Variants in CCDC7 observed in about 807,000 individuals in gnomAD.
The protein encoded by CCDC7 is coiled-coil domain-containing protein 7.
Under a neutral mutation model 196.9 loss-of-function variants are expected in CCDC7, and 183 were observed. The observed-to-expected ratio is 0.93, with a 90% CI of 0.82 to 1.05. The LOEUF (loss-of-function observed/expected upper bound fraction) is 1.05, where lower values mean the gene tolerates loss of function less well. Among genes scored for constraint, CCDC7 ranks in the 50% least tolerant of loss-of-function variants. CCDC7 has a pLI of 0.00. For missense variants in CCDC7, 1,540 were observed against 1,482.2 expected (o/e 1.04, Z -0.64); for synonymous variants, 525 against 484.6 (o/e 1.08, Z -1.10).
chr10:32,635,560 G>A (rs2065493217), intron 20 of CCDC7, among the ~76,000 whole-genome samples: 1 of 152,068 alleles, frequency 6.6e-6, no homozygotes, highest in Non-Finnish European at 1.5e-5. Context: ...AAAGGTGAGT[G>A]GATCTCTTGA....
intron 29 of CCDC7, among the ~76,000 whole-genome samples, chr10:32,799,027 G>T (rs1012087739): frequency 6.6e-6 from 1 of 152,154 alleles, no homozygotes; most frequent in Non-Finnish European, 1.5e-5. Flanking sequence ...TTTAGGAGCT[G>T]CTCGAGCCCG....
chr10:32,657,308 C>T (rs113574571), intron 20 of CCDC7, among the ~76,000 whole-genome samples: 109 of 152,370 alleles, frequency 7.2e-4, no homozygotes, highest in African/African-American at 2.5e-3. Flanking sequence ...CATTTCCCTT[C>T]TACACTGCCC....
intron 21 of CCDC7, among the ~76,000 whole-genome samples, chr10:32,667,376 A>C (rs1339482335): frequency 3.3e-5 from 5 of 152,166 alleles, no homozygotes; most frequent in East Asian, 3.8e-4. Context: ...CAGTTTAATT[A>C]GATCCCATTT....
chr10:32,743,215 T>C (rs2074081907), intron 28 of CCDC7, among the ~76,000 whole-genome samples: 1 of 152,214 alleles, frequency 6.6e-6, no homozygotes, highest in South Asian at 2.1e-4. Context: ...AAGAATAGGT[T>C]TAGTTTTTAA....
At chr10:32,844,667 G>A (rs16933701) in intron 33 of CCDC7, among the ~76,000 whole-genome samples, 21,871 of 151,772 alleles carry the variant, frequency 0.14, 1,931 homozygotes, top group African/African-American at 0.25. Flanking sequence ...GGTAAAGTCA[G>A]TGGTTAAGGA....
At chr10:32,546,432 C>T (rs2052468877) in intron 13 of CCDC7, among the ~76,000 whole-genome samples, 1 of 152,076 alleles carries the variant, frequency 6.6e-6, no homozygotes. Flanking sequence ...CGATTATTTC[C>T]CAAACTGGGA....
At chr10:32,819,509 CA>C (rs921400393) in intron 31 of CCDC7, among the ~76,000 whole-genome samples, 8 of 151,472 alleles carry the variant, frequency 5.3e-5, no homozygotes, top group Non-Finnish European at 1.2e-4. Flanking sequence ...AGAGACACAA[CA>C]AAAAAAAGAG....
chr10:32,750,368 C>T (rs930681095), intron 28 of CCDC7, among the ~76,000 whole-genome samples: 1 of 152,040 alleles, frequency 6.6e-6, no homozygotes, highest in East Asian at 1.9e-4. Flanking sequence ...GGGTGTCCAG[C>T]AAAAACATAA....
chr10:32,496,848 T>C (rs2042986557), intron 9 of CCDC7, among the ~76,000 whole-genome samples: 1 of 152,190 alleles, frequency 6.6e-6, no homozygotes, highest in Non-Finnish European at 1.5e-5. Flanking sequence ...TTGCTTAAAA[T>C]TTTCTTTTTT....
intron 13 of CCDC7, among the ~76,000 whole-genome samples, chr10:32,560,721 C>G (rs1264341397): frequency 1.3e-5 from 2 of 152,140 alleles, no homozygotes; most frequent in Non-Finnish European, 2.9e-5. Flanking sequence ...AAAAACATGC[C>G]AAATTGTAAA....
intron 21 of CCDC7, among the ~76,000 whole-genome samples, chr10:32,665,101 G>A (rs1408284049): frequency 6.6e-6 from 1 of 151,894 alleles, no homozygotes; most frequent in Non-Finnish European, 1.5e-5. Flanking sequence ...TTGGCTATTT[G>A]CATGTCTTCA....
At chr10:32,516,820 C>T (rs563318395) in intron 9 of CCDC7, among the ~76,000 whole-genome samples, 3 of 152,244 alleles carry the variant, frequency 2.0e-5, no homozygotes, top group Admixed American at 6.5e-5. Flanking sequence ...TAGGTTTATA[C>T]ATGAGATAAA....
chr10:32,712,478 G>A (rs1253876743), intron 25 of CCDC7, among the ~76,000 whole-genome samples: 1 of 152,166 alleles, frequency 6.6e-6, no homozygotes, highest in African/African-American at 2.4e-5. Context: ...GGTGAACAGA[G>A]CATCTGGTTC....
chr10:32,557,985 T>A (rs2054641203), intron 13 of CCDC7, among the ~76,000 whole-genome samples: 2 of 152,182 alleles, frequency 1.3e-5, no homozygotes, highest in Non-Finnish European at 2.9e-5. Flanking sequence ...GGGCATGCAT[T>A]TTTTATAGCT....
At chr10:32,677,607 C>G (rs913441034) in intron 21 of CCDC7, among the ~76,000 whole-genome samples, 2 of 151,744 alleles carry the variant, frequency 1.3e-5, no homozygotes, top group Admixed American at 6.6e-5. Flanking sequence ...ATGGGTTTAT[C>G]TTGTATGTGA....
At chr10:32,876,277 A>C (rs763229442) in intron 41 of CCDC7, 70 bp from the exon 43 acceptor site, 43 of 1,147,946 alleles carry the variant, frequency 3.7e-5, no homozygotes, top group Non-Finnish European at 5.5e-5. Flanking sequence ...GATATCATAT[A>C]CAATAAAAAT....
chr10:32,845,633 G>T lies in CCDC7; in HGVS notation c.3520+7G>T, dbSNP rs747382203. On this transcript the variant is annotated splice_region_variant and intron_variant, in intron 35 of 41. Coordinates refer to ENST00000639629, the Ensembl canonical transcript of CCDC7. ...CAATTAAAAAGTCACCCAGGTAAGA[G>T]AAAACAATTTCAAGACTAATATTTA... The T allele has an allele frequency of 1.2e-6, 2 of 1,600,264 alleles. No homozygotes were observed. Among genetic ancestry groups the T allele is most frequent in the Non-Finnish European group, 1.7e-6 (2 of 1,168,912 alleles).
intron 24 of CCDC7, among the ~76,000 whole-genome samples, chr10:32,705,417 G>A (rs2079548071): frequency 6.6e-6 from 1 of 151,998 alleles, no homozygotes; most frequent in African/African-American, 2.4e-5. Context: ...CAACTAACGA[G>A]CAAAAGAACC....
chr10:32,757,808 C>T (rs1434103014), intron 28 of CCDC7, among the ~76,000 whole-genome samples: 1 of 152,134 alleles, frequency 6.6e-6, no homozygotes, highest in African/African-American at 2.4e-5. Context: ...ATCAATGAAT[C>T]CAGGAGCTGT....
Sources: allele counts gnomAD v4.1 joint callset (sites outside exome capture counted in the v4.1 genomes callset), GRCh38; gene constraint gnomAD v4.1.1; transcripts MANE v1.5; gene names NCBI Gene and HGNC (gene_info 2026-07-23, HGNC 2026-07-21).